Variants in SEMA3A observed in about 807,000 individuals in gnomAD.
The protein encoded by SEMA3A is semaphorin 3A, also known as semaphorin-3A.
In SEMA3A, 29 loss-of-function variants were observed where a neutral mutation model predicts 97.9. The ratio of observed to expected loss-of-function variants is 0.30; its 90% CI spans 0.22 to 0.40. SEMA3A has a LOEUF of 0.40. SEMA3A is among the 10% of genes least tolerant of loss of function. SEMA3A has a pLI of 1.00. For missense variants in SEMA3A, 763 were observed against 951.3 expected (o/e 0.80, Z 2.60); for synonymous variants, 321 against 323.7 (o/e 0.99, Z 0.09).
intron 2 of SEMA3A, among the ~76,000 whole-genome samples, chr7:84,313,259 C>G (rs549682871): frequency 1.2e-3 from 176 of 142,916 alleles, no homozygotes; most frequent in South Asian, 3.5e-3. Flanking sequence ...ATCCATCTCG[C>G]CTTCCATTTT....
intron 1 of SEMA3A, among the ~76,000 whole-genome samples, chr7:84,164,097 G>A (rs1008354373): frequency 1.1e-4 from 17 of 151,986 alleles, no homozygotes; most frequent in African/African-American, 4.1e-4. Flanking sequence ...CGCCCACCTT[G>A]GCCTCTGAAA....
At chr7:84,003,445 C>T (rs1174430811) in intron 11 of SEMA3A, among the ~76,000 whole-genome samples, 1 of 152,088 alleles carries the variant, frequency 6.6e-6, no homozygotes, top group Non-Finnish European at 1.5e-5. Context: ...TGATGTGCAA[C>T]TTAGTTAAAA....
At chr7:84,159,795 A>T (rs1230008251) in intron 1 of SEMA3A, among the ~76,000 whole-genome samples, 1 of 152,198 alleles carries the variant, frequency 6.6e-6, no homozygotes, top group Non-Finnish European at 1.5e-5. Flanking sequence ...GGAAAGATCC[A>T]ATTTTGCCAT....
At chr7:84,009,844 C>T (rs1790806206) in intron 9 of SEMA3A, among the ~76,000 whole-genome samples, 1 of 128,004 alleles carries the variant, frequency 7.8e-6, no homozygotes, top group Admixed American at 1.0e-4. Context: ...GGAGAAAGAG[C>T]AGGAAAAGCA....
chr7:84,031,686 A>T (rs368717551), intron 6 of SEMA3A, among the ~76,000 whole-genome samples: 35 of 151,984 alleles, frequency 2.3e-4, no homozygotes, highest in African/African-American at 6.5e-4. Context: ...ATACAAAAAA[A>T]TCAGCTGGGT....
intron 3 of SEMA3A, among the ~76,000 whole-genome samples, chr7:84,264,118 TTG>T (rs1260213902): frequency 6.6e-6 from 1 of 152,214 alleles, no homozygotes; most frequent in Non-Finnish European, 1.5e-5. Context: ...TTTTTTTGAA[TTG>T]TCTTTTTTAT....
At chr7:84,368,734 A>G (rs925229870) in intron 2 of SEMA3A, among the ~76,000 whole-genome samples, 22 of 150,940 alleles carry the variant, frequency 1.5e-4, no homozygotes, top group African/African-American at 5.1e-4. Flanking sequence ...TATACAATTT[A>G]TCTCACCTTG....
intron 3 of SEMA3A, among the ~76,000 whole-genome samples, chr7:84,209,226 C>G (rs1307924676): frequency 6.6e-6 from 1 of 152,076 alleles, no homozygotes; most frequent in African/African-American, 2.4e-5. Context: ...AGAGTTTAGC[C>G]TTTTATATTA....
intron 10 of SEMA3A, 71 bp downstream of exon 10, chr7:84,007,282 G>T: frequency 7.8e-7 from 1 of 1,274,076 alleles, no homozygotes; most frequent in Non-Finnish European, 1.1e-6. Context: ...ATATCTGTCT[G>T]TAGCTGCATT....
chr7:84,359,452 C>G (rs13437736), intron 2 of SEMA3A, among the ~76,000 whole-genome samples: 1 of 151,378 alleles, frequency 6.6e-6, no homozygotes, highest in Admixed American at 6.6e-5. Flanking sequence ...TATTGATTTG[C>G]GTATGTTGAA....
At chr7:84,271,447 T>A (rs1045530195) in intron 3 of SEMA3A, among the ~76,000 whole-genome samples, 3 of 152,148 alleles carry the variant, frequency 2.0e-5, no homozygotes, top group African/African-American at 7.2e-5. Flanking sequence ...GTTTTCAACT[T>A]CAGAATAGCC....
chr7:84,344,629 CTGTT>C (rs1426067553), intron 2 of SEMA3A, among the ~76,000 whole-genome samples: 1 of 152,190 alleles, frequency 6.6e-6, no homozygotes, highest in South Asian at 2.1e-4. Context: ...AGAGAGGCCT[CTGTT>C]TGTTTGCAGT....
intron 3 of SEMA3A, among the ~76,000 whole-genome samples, chr7:84,208,256 T>C (rs1426466232): frequency 1.3e-5 from 2 of 151,918 alleles, no homozygotes; most frequent in Admixed American, 1.3e-4. Context: ...ATCGAGACCA[T>C]CCTGGCTAAC....
chr7:84,454,403 T>G (rs1282673941), intron 1 of SEMA3A, among the ~76,000 whole-genome samples: 1 of 152,212 alleles, frequency 6.6e-6, no homozygotes, highest in Non-Finnish European at 1.5e-5. Flanking sequence ...ACTTTTTCCA[T>G]GCACTTTCTT....
intron 4 of SEMA3A, among the ~76,000 whole-genome samples, chr7:84,079,673 G>T (rs1241729788): frequency 2.8e-4 from 38 of 136,932 alleles, no homozygotes; most frequent in African/African-American, 1.1e-3. Flanking sequence ...ACACCAGTTA[G>T]AATGGCAATC....
chr7:84,394,090 T>C (rs1474026404), intron 1 of SEMA3A, among the ~76,000 whole-genome samples: 5 of 152,078 alleles, frequency 3.3e-5, no homozygotes, highest in Admixed American at 2.6e-4. Flanking sequence ...AAAATGTGAT[T>C]TCTACAGCTA....
chr7:84,082,936 C>T (rs898373952), intron 4 of SEMA3A, among the ~76,000 whole-genome samples: 1 of 151,720 alleles, frequency 6.6e-6, no homozygotes, highest in Admixed American at 6.6e-5. Context: ...ATATTCTTAC[C>T]TGTATTATAA....
intron 3 of SEMA3A, among the ~76,000 whole-genome samples, chr7:84,223,872 A>G (rs1420821272): frequency 3.3e-5 from 5 of 151,996 alleles, no homozygotes; most frequent in African/African-American, 9.6e-5. Context: ...TACGGCTTAT[A>G]TTACATACTT....
At chr7:84,225,144 T>G (rs558587291) in intron 3 of SEMA3A, among the ~76,000 whole-genome samples, 1 of 152,296 alleles carries the variant, frequency 6.6e-6, no homozygotes, top group African/African-American at 2.4e-5. Context: ...CAGTGACTTC[T>G]AATTCTATGT....
Sources: allele counts gnomAD v4.1 joint callset (sites outside exome capture counted in the v4.1 genomes callset), GRCh38; gene constraint gnomAD v4.1.1; transcripts MANE v1.5; gene names NCBI Gene and HGNC (gene_info 2026-07-23, HGNC 2026-07-21).